PPIL2: variants seen among roughly 807,000 people sequenced by gnomAD.
The protein encoded by PPIL2 is RING-type E3 ubiquitin-protein ligase PPIL2.
Under a neutral mutation model 75.2 loss-of-function variants are expected in PPIL2, and 50 were observed. The observed-to-expected ratio is 0.66, with a 90% CI of 0.53 to 0.84. PPIL2 has a LOEUF of 0.84. Ranked by LOEUF, PPIL2 falls within the 40% of genes least tolerant of loss-of-function variation. The pLI is 0.00. For missense variants in PPIL2, 590 were observed against 685.0 expected (o/e 0.86, Z 1.55); for synonymous variants, 245 against 258.8 (o/e 0.95, Z 0.51).
At chr22:21,689,249 G>A (rs2067516687) in intron 15 of PPIL2, among the ~76,000 whole-genome samples, 1 of 152,204 alleles carries the variant, frequency 6.6e-6, no homozygotes, top group African/African-American at 2.4e-5. Flanking sequence ...GTGCATGTGG[G>A]GAGCAGTGTG....
At chr22:21,678,777 A>G (rs2066980670) in intron 6 of PPIL2, among the ~76,000 whole-genome samples, 1 of 151,932 alleles carries the variant, frequency 6.6e-6, no homozygotes, top group Non-Finnish European at 1.5e-5. Context: ...CCCAGGCTGG[A>G]GTGTAGTGGC....
At chr22:21,668,066 C>G (rs775315457) in intron 1 of PPIL2, among the ~76,000 whole-genome samples, 1 of 151,936 alleles carries the variant, frequency 6.6e-6, no homozygotes, top group African/African-American at 2.4e-5. Flanking sequence ...CGTGAGCCAC[C>G]GTGCCGGGCC....
chr22:21,689,428 G>C (rs894680932), intron 15 of PPIL2, among the ~76,000 whole-genome samples: 1 of 152,188 alleles, frequency 6.6e-6, no homozygotes, highest in Non-Finnish European at 1.5e-5. Context: ...TGTGACTTCC[G>C]GGATAAAGCA....
intron 15 of PPIL2, among the ~76,000 whole-genome samples, chr22:21,692,329 T>C (rs536066587): frequency 2.2e-3 from 328 of 151,838 alleles, no homozygotes; most frequent in Non-Finnish European, 3.6e-3. Context: ...TAATTTTTTG[T>C]ATTTTTAGTA....
At chr22:21,691,026 G>A (rs62235101) in intron 15 of PPIL2, among the ~76,000 whole-genome samples, 43,594 of 145,814 alleles carry the variant, frequency 0.3, 6,867 homozygotes, top group Non-Finnish European at 0.35. Flanking sequence ...GTGCAATGGC[G>A]GGATCTCGGC....
At position 21,670,729 on chromosome 22, in the gene PPIL2, CT is replaced by C; in HGVS notation, c.128+120del. ...AAAAGTGTGCCTTGAAGATGTGGCC[CT>C]TCAGTTCATGTTGGGAGAAGATGCA... On this transcript the variant is annotated intron_variant, in intron 3 of 19. Coordinates refer to ENST00000398831, the MANE Select transcript of PPIL2 (RefSeq NM_014337.4). 7.7e-6 allele frequency: 9 copies of C among 1,165,566 alleles called. No individual in the cohort carries two copies. In the South Asian group the frequency reaches 1.1e-4, roughly 15 times the overall value. 72.2% of individuals were successfully genotyped at this position (1,165,566 alleles called of 1,614,324 possible).
chr22:21,668,717 T>A (rs1199085488), intron 1 of PPIL2, among the ~76,000 whole-genome samples: 1 of 148,870 alleles, frequency 6.7e-6, no homozygotes, highest in Non-Finnish European at 1.5e-5. Context: ...AGATACCATT[T>A]TTTTTTTTTT....
chr22:21,670,624 C>A lies in PPIL2; in HGVS notation c.128+13C>A. The A allele has an allele frequency of 1.2e-6, 2 of 1,602,746 alleles. No individual in the cohort carries two copies. The highest frequency in any genetic ancestry group is 1.7e-6 in the Non-Finnish European group (2 of 1,169,716). On this transcript the variant is annotated intron_variant, in intron 3 of 19. Transcript: ENST00000398831. Reference sequence around the variant, plus strand: ...TTGACCACTGCAGGTAAGAGTTTTGCGAGTTTACCTTTCCCTTGTAATTGT... The same window carrying A: ...TTGACCACTGCAGGTAAGAGTTTTGAGAGTTTACCTTTCCCTTGTAATTGT...
At position 21,686,888 on chromosome 22, in the gene PPIL2, G is replaced by T; in HGVS notation, c.791-4G>T. 1 of 1,613,884 alleles carries T rather than the reference G, an allele frequency of 6.2e-7. No homozygotes were observed. The highest frequency in any genetic ancestry group is 8.5e-7 in the Non-Finnish European group (1 of 1,179,942). Reference sequence around the variant, plus strand: ...AGGGGCTGAGCTGGGACCTTGGCTTGTAGCTGCCATCGACGAGGATGTGCT... The same window carrying T: ...AGGGGCTGAGCTGGGACCTTGGCTTTTAGCTGCCATCGACGAGGATGTGCT... On this transcript the variant is annotated splice_polypyrimidine_tract_variant and splice_region_variant and intron_variant, in intron 11 of 19. Transcript: ENST00000398831.
intron 6 of PPIL2, among the ~76,000 whole-genome samples, chr22:21,680,829 C>CA (rs762340467): frequency 0.077 from 3,885 of 50,512 alleles, 658 homozygotes; most frequent in African/African-American, 0.24. Flanking sequence ...GACTCCATCT[C>CA]AAAAAAAAAA....
chr22:21,680,849 A>C (rs937645205), intron 6 of PPIL2, among the ~76,000 whole-genome samples: 3 of 147,744 alleles, frequency 2.0e-5, no homozygotes, highest in Non-Finnish European at 4.5e-5. Context: ...AAAAAAAAAA[A>C]AAAACAGAGC....
chr22:21,672,898 G>T (rs2066691066), intron 5 of PPIL2, among the ~76,000 whole-genome samples: 2 of 152,314 alleles, frequency 1.3e-5, no homozygotes, highest in South Asian at 2.1e-4. Context: ...CCGCTGGGAG[G>T]GAGCTCCCTG....
chr22:21,682,686 G>A (rs1018243329), intron 8 of PPIL2, among the ~76,000 whole-genome samples, 160 bp downstream of exon 8: 1 of 143,142 alleles, frequency 7.0e-6, no homozygotes, highest in African/African-American at 2.6e-5. Flanking sequence ...CTGCTTCAGC[G>A]CCTCGAGGGC....
At chr22:21,677,081 T>G (rs1370182545) in intron 6 of PPIL2, among the ~76,000 whole-genome samples, 1 of 149,126 alleles carries the variant, frequency 6.7e-6, no homozygotes, top group Non-Finnish European at 1.5e-5. Context: ...GAGACGCTCC[T>G]CACTTCCTAG....
At chr22:21,680,822 T>C (rs1601543907) in intron 6 of PPIL2, among the ~76,000 whole-genome samples, 2 of 82,122 alleles carry the variant, frequency 2.4e-5, no homozygotes, top group East Asian at 3.7e-4. Context: ...AGAGCGAGAC[T>C]CCATCTCAAA....
At chr22:21,685,578 C>T (rs1028849327) in intron 10 of PPIL2, 8 of 410,922 alleles carry the variant, frequency 1.9e-5, no homozygotes, top group Non-Finnish European at 3.3e-5. Flanking sequence ...TGTGTCACTC[C>T]GTCTAACACA....
At chr22:21,667,176 G>C (rs1291175761) in intron 1 of PPIL2, among the ~76,000 whole-genome samples, 2 of 91,346 alleles carry the variant, frequency 2.2e-5, no homozygotes, top group Admixed American at 2.5e-4. Flanking sequence ...TTTTTTTTGA[G>C]ACGCAGTTTC....
rs376376855 is a variant in PPIL2 at position 21,682,408 on chromosome 22, A to T, written c.388-29A>T. 12 of 1,593,810 alleles carry T rather than the reference A, an allele frequency of 7.5e-6. No individual in the cohort carries two copies. In the African/African-American group the frequency reaches 9.4e-5, roughly 12 times the overall value. ...CCCTGTGCCAAGGCTTGGGGCAGGC[A>T]TCGTAAAACCACTTCCTCCTGGCTA... On this transcript the variant is annotated intron_variant, in intron 7 of 19. Transcript: ENST00000398831.
chr22:21,692,281 T>G (rs11089685), intron 15 of PPIL2, among the ~76,000 whole-genome samples: 43,217 of 151,462 alleles, frequency 0.29, 6,696 homozygotes, highest in Non-Finnish European at 0.36. Flanking sequence ...TCAGCCTCCC[T>G]AGTAGCTGGG....
Sources: gnomAD v4.1 joint callset for allele counts (sites outside exome capture counted in the v4.1 genomes callset) on GRCh38, gnomAD v4.1.1 for gene constraint, MANE v1.5 for transcripts, NCBI Gene and HGNC (gene_info 2026-07-23, HGNC 2026-07-21) for gene names.